TLDC2: variants seen among roughly 807,000 people sequenced by gnomAD.
TLDC2 encodes the protein TLD domain-containing protein 2.
TLDC2 carries 23 observed loss-of-function variants against 27.9 expected under a neutral mutation model. The observed-to-expected ratio is 0.82, with a 90% CI of 0.59 to 1.17. The LOEUF (loss-of-function observed/expected upper bound fraction) is 1.17. Among genes scored for constraint, TLDC2 ranks in the 50% most tolerant of loss-of-function variants. TLDC2 has a pLI of 0.00. For synonymous variants in TLDC2, 124 were observed against 107.4 expected, an observed-to-expected ratio of 1.16 and a Z score of -0.96; for missense variants, 286 against 273.4, an observed-to-expected ratio of 1.05 and a Z score of -0.32.
At chr20:36,877,721 G>A (rs1430687483) in intron 1 of TLDC2, among the ~76,000 whole-genome samples, 178 bp from the exon 2 acceptor site, 2 of 152,190 alleles carry the variant, frequency 1.3e-5, no homozygotes, top group Non-Finnish European at 1.5e-5. Flanking sequence ...GCAGGCTGGC[G>A]GCAGGGGCAG....
chr20:36,878,025 C>T lies in TLDC2; in HGVS notation c.160C>T (p.Gln54Ter), dbSNP rs937202948. ...GGTGCCCCAGCTGACAGAAGCCAGC[C>T]AGGTTTTGAGTGCCTCAGAGATTCG... ...PTVPQLTEAS[Q>*]VLSASEIRQL... is the part of the protein sequence containing the mutation. Residue 54 changes from glutamine to a stop codon, truncating the protein, a stop_gained, in exon 2 of 7, where the codon CAG becomes TAG. Transcript: ENST00000217320. LOFTEE classifies it high-confidence loss of function. 5 of 1,613,922 alleles carry T rather than the reference C, an allele frequency of 3.1e-6. No homozygotes were observed. In the Admixed American group the frequency reaches 8.3e-5, roughly 27 times the overall value.
intron 6 of TLDC2, chr20:36,890,547 C>T (rs984819867): frequency 1.3e-5 from 2 of 151,972 alleles, no homozygotes; most frequent in African/African-American, 4.8e-5. Flanking sequence ...TCACTGCAAC[C>T]TCTGCCTCCC....
intron 2 of TLDC2, among the ~76,000 whole-genome samples, chr20:36,878,360 C>T (rs1394664544): frequency 1.3e-5 from 2 of 152,206 alleles, no homozygotes; most frequent in African/African-American, 2.4e-5. Context: ...GCAGGGGGAT[C>T]GCTTGAGGCC....
rs113010000 is a variant in TLDC2 at position 36,893,324 on chromosome 20, C to T, written c.*480C>T. The T allele has an allele frequency of 3.5e-5, 19 of 542,984 alleles. No individual in the cohort carries two copies. The highest frequency in any genetic ancestry group is 5.6e-5 in the Non-Finnish European group (17 of 303,556). The allele number at this position is 542,984 out of a possible 1,614,324, so 33.6% of individuals were successfully genotyped here. ...GATGACTGGGAGCAGCATACCACTG[C>T]CCACCTCTATGGCCTCCTTCACACA... On this transcript the variant is annotated 3_prime_UTR_variant, in exon 7 of 7. Coordinates refer to ENST00000217320, the MANE Select transcript of TLDC2 (RefSeq NM_080628.3).
At chr20:36,888,704 C>CAAAAAAA (rs35828858) in intron 5 of TLDC2, among the ~76,000 whole-genome samples, 4 of 62,764 alleles carry the variant, frequency 6.4e-5, no homozygotes, top group Non-Finnish European at 1.1e-4. Flanking sequence ...AGACTCCTAT[C>CAAAAAAA]AAAAAAAAAA....
Position 36,880,719 on chromosome 20 carries a change from C to T in TLDC2, c.407C>T (p.Thr136Ile), listed in dbSNP as rs1989795387. ...AAAGGCTTCTATGGTACTGGCGAGACATTCCTCTTCTCCTTCTCCCCACAG... is the reference window on the plus strand; with the variant it reads ...AAAGGCTTCTATGGTACTGGCGAGATATTCCTCTTCTCCTTCTCCCCACAG... ...LSKGFYGTGE[T>I]FLFSFSPQLK... The change falls in exon 4 of 7, where the codon ACA becomes ATA. Residue 136 changes from threonine to isoleucine, a missense_variant. Physicochemically the swap from Thr to Ile is moderately conservative, Grantham distance 89 (BLOSUM62 -1). Coordinates refer to ENST00000217320, the MANE Select transcript of TLDC2 (RefSeq NM_080628.3). 6.2e-7 allele frequency: 1 copy of T among 1,614,198 alleles called. No individual in the cohort carries two copies. The highest frequency in any genetic ancestry group is 8.5e-7 in the Non-Finnish European group (1 of 1,180,016).
intron 4 of TLDC2, among the ~76,000 whole-genome samples, chr20:36,884,855 C>T (rs2148347192): frequency 6.7e-6 from 1 of 149,998 alleles, no homozygotes; most frequent in African/African-American, 2.4e-5. Flanking sequence ...TAGCGTTTGC[C>T]ATCATTTAAC....
At position 36,878,049 on chromosome 20, in the gene TLDC2, C is replaced by A. The variant is rs184539554; in HGVS notation, c.184C>A (p.Arg62=). The A allele has an allele frequency of 6.2e-7, 1 of 1,612,606 alleles. No homozygotes were observed. Among genetic ancestry groups the A allele is most frequent in the South Asian group, 1.1e-5 (1 of 90,852 alleles). Reference sequence around the variant, plus strand: ...CCAGGTTTTGAGTGCCTCAGAGATTCGGCAGGTCTGGGCATTGCCCATGGC... The same window carrying A: ...CCAGGTTTTGAGTGCCTCAGAGATTAGGCAGGTCTGGGCATTGCCCATGGC... ...ASQVLSASEI[R]QLSFHFPPRV... The change falls in exon 2 of 7, where the codon CGG becomes AGG. Residue 62 remains arginine, a synonymous_variant. Transcript: ENST00000217320.
chr20:36,884,214 C>T (rs1470617373), intron 4 of TLDC2, among the ~76,000 whole-genome samples: 1 of 152,186 alleles, frequency 6.6e-6, no homozygotes, highest in Admixed American at 6.5e-5. Context: ...CTACAAGTCC[C>T]TACAACTTCT....
At chr20:36,880,239 A>C (rs1386148755) in intron 3 of TLDC2, among the ~76,000 whole-genome samples, 5 of 151,300 alleles carry the variant, frequency 3.3e-5, no homozygotes, top group Non-Finnish European at 7.4e-5. Context: ...AATTACAAGC[A>C]CTTGCCACCA....
At chr20:36,879,361 A>G (rs1281479642) in intron 3 of TLDC2, among the ~76,000 whole-genome samples, 168 bp downstream of exon 3, 1 of 152,178 alleles carries the variant, frequency 6.6e-6, no homozygotes, top group East Asian at 1.9e-4. Flanking sequence ...CCATTCCCCC[A>G]TTTATGCATT....
At chr20:36,882,934 G>A (rs887891243) in intron 4 of TLDC2, among the ~76,000 whole-genome samples, 12 of 151,968 alleles carry the variant, frequency 7.9e-5, no homozygotes, top group African/African-American at 1.5e-4. Flanking sequence ...TTGCTGGTTC[G>A]TCCTCATCTC....
At position 36,876,170 on chromosome 20, in the gene TLDC2, G is replaced by A. The variant is rs371878596; in HGVS notation, c.-5G>A. The A allele has an allele frequency of 7.6e-5, 123 of 1,614,064 alleles. 1 individual carries two copies. The highest frequency in any genetic ancestry group is 9.2e-5 in the Non-Finnish European group (109 of 1,180,018). ...GCCCACGGCCGGCTGAGCAGGGACA[G>A]GAGAATGAGAGGCCTCCGCTGGCGT... On this transcript the variant is annotated 5_prime_UTR_variant, in exon 1 of 7. Coordinates refer to ENST00000217320, the MANE Select transcript of TLDC2 (RefSeq NM_080628.3).
chr20:36,881,294 C>A (rs978809397), intron 4 of TLDC2, among the ~76,000 whole-genome samples: 1 of 151,536 alleles, frequency 6.6e-6, no homozygotes, highest in Admixed American at 6.6e-5. Context: ...ACGGGAGGAT[C>A]GTTTAAGCCC....
intron 6 of TLDC2, chr20:36,890,602 T>G (rs1129213): frequency 1.3e-5 from 2 of 151,884 alleles, no homozygotes; most frequent in South Asian, 4.2e-4. Flanking sequence ...GTAGCTGGGA[T>G]TACAAGCACA....
rs749025907 is a variant in TLDC2 at position 36,877,982 on chromosome 20, T to C, written c.117T>C (p.Ala39=). The C allele has an allele frequency of 9.3e-6, 15 of 1,614,010 alleles. No individual in the cohort carries two copies. The Admixed American group carries it at 2.2e-4, about 23-fold the overall frequency. ...AGGAGGCAGCTCCAGACCCAGCTGCTGCTCCTGAGGATCCCACGGTGCCCC... is the reference window on the plus strand; with the variant it reads ...AGGAGGCAGCTCCAGACCCAGCTGCCGCTCCTGAGGATCCCACGGTGCCCC... The part of the protein sequence containing the change: ...EEEEAAPDPA[A]APEDPTVPQL... Residue 39 remains alanine (A), a synonymous_variant, in exon 2 of 7, where the codon GCT becomes GCC. Coordinates refer to ENST00000217320, the MANE Select transcript of TLDC2 (RefSeq NM_080628.3).
Position 36,886,136 on chromosome 20 carries a change from G to T in TLDC2, c.439-1319G>T, listed in dbSNP as rs145426049. ...CTTTTTAAGTTTTGACAGTTTTTTT[G>T]TTGTTTTTTAGAGTTGGGGTCTTGC... On this transcript the variant is annotated intron_variant, in intron 4 of 6. Coordinates refer to ENST00000217320, the MANE Select transcript of TLDC2 (RefSeq NM_080628.3). Among the ~76,000 whole-genome samples, 1,034 of 152,182 alleles carry T rather than the reference G, an allele frequency of 6.8e-3. 18 individuals carry two copies. The highest frequency in any genetic ancestry group is 0.027 in the East Asian group (141 of 5,170).
chr20:36,892,821 C>A lies in TLDC2; in HGVS notation c.*18-41C>A, dbSNP rs776940625. ...CTTAGCTTCAGCATGCGTGTACATT[C>A]AAAATACAAAATTAAAGCATGAGTT... On this transcript the variant is annotated intron_variant, in intron 6 of 6. Transcript: ENST00000217320. The A allele has an allele frequency of 2.3e-5, 32 of 1,422,126 alleles. No individual in the cohort carries two copies. In the African/African-American group the frequency reaches 3.0e-4, roughly 13 times the overall value. The allele number at this position is 1,422,126 out of a possible 1,614,324, so 88.1% of individuals were successfully genotyped here.
intron 6 of TLDC2, 58 bp downstream of exon 6, chr20:36,889,461 T>C (rs780979497): frequency 9.7e-6 from 15 of 1,547,882 alleles, no homozygotes; most frequent in Non-Finnish European, 1.3e-5. Flanking sequence ...CAGCCTGTGC[T>C]GTTTGAAACA....
Sources: gnomAD v4.1 joint callset for allele counts (sites outside exome capture counted in the v4.1 genomes callset) on GRCh38, gnomAD v4.1.1 for gene constraint, MANE v1.5 for transcripts, NCBI Gene and HGNC (gene_info 2026-07-23, HGNC 2026-07-21) for gene names.